Variants in MTUS2 observed in about 807,000 individuals in gnomAD.
MTUS2 encodes the protein microtubule associated scaffold protein 2.
In MTUS2, 40 loss-of-function variants were observed where a neutral mutation model predicts 114.1. The ratio of observed to expected loss-of-function variants is 0.35; its 90% CI spans 0.27 to 0.46. The LOEUF is 0.46. Among genes scored for constraint, MTUS2 ranks in the 20% least tolerant of loss-of-function variants. MTUS2 has a pLI of 1.00. For synonymous variants in MTUS2, 688 were observed against 672.0 expected, an observed-to-expected ratio of 1.02 and a Z score of -0.37; for missense variants, 1,679 against 1,705.4, an observed-to-expected ratio of 0.98 and a Z score of 0.27.
At chr13:28,895,557 C>G (rs1383539851) in intron 2 of MTUS2, among the ~76,000 whole-genome samples, 7 of 152,094 alleles carry the variant, frequency 4.6e-5, no homozygotes, top group Admixed American at 3.9e-4. Context: ...AGGCATAGTT[C>G]AAGCAGTGGG....
Position 29,420,238 on chromosome 13 carries a change from A to ACTTT in MTUS2, c.3118-19724_3118-19721dup, listed in dbSNP as rs371996946. Reference sequence around the variant, plus strand: ...TTTTTCTTCCTTCCTTCCTTAACTTACTTTCTTTCTTTCTTTCTTTCTTTT... The same window carrying ACTTT: ...TTTTTCTTCCTTCCTTCCTTAACTTACTTTCTTTCTTTCTTTCTTTCTTTCTTTT... On this transcript the variant is annotated intron_variant, in intron 8 of 15. Coordinates refer to ENST00000612955, the MANE Select transcript of MTUS2 (RefSeq NM_001033602.4). Among the ~76,000 whole-genome samples the ACTTT allele has an allele frequency of 5.3e-3, 792 of 149,140 alleles. 11 individuals carry two copies. Among genetic ancestry groups the ACTTT allele is most frequent in the Admixed American group, 0.031 (460 of 15,002 alleles).
intron 6 of MTUS2, among the ~76,000 whole-genome samples, chr13:29,309,972 A>G (rs1899677017): frequency 6.6e-6 from 1 of 152,070 alleles, no homozygotes; most frequent in South Asian, 2.1e-4. Context: ...ATTATTGTTG[A>G]CAGTAGTCAC....
chr13:29,376,331 G>C (rs1451683393), intron 8 of MTUS2, among the ~76,000 whole-genome samples: 1 of 152,112 alleles, frequency 6.6e-6, no homozygotes, highest in Non-Finnish European at 1.5e-5. Flanking sequence ...TCCACTTGTG[G>C]TGGTTAGATA....
chr13:29,069,446 G>A (rs1888811050), intron 4 of MTUS2, among the ~76,000 whole-genome samples: 1 of 152,146 alleles, frequency 6.6e-6, no homozygotes. Context: ...TCAACAAATT[G>A]GATGGTACCC....
At chr13:29,466,505 A>C (rs1879893697) in intron 9 of MTUS2, among the ~76,000 whole-genome samples, 1 of 152,210 alleles carries the variant, frequency 6.6e-6, no homozygotes, top group Non-Finnish European at 1.5e-5. Flanking sequence ...TCCTGTTTAA[A>C]GTTAGGTTCT....
At chr13:29,013,241 T>C (rs1006111754) in intron 2 of MTUS2, among the ~76,000 whole-genome samples, 11 of 152,318 alleles carry the variant, frequency 7.2e-5, no homozygotes, top group African/African-American at 2.6e-4. Flanking sequence ...GCAGTTTGGA[T>C]CTTATCTGTT....
intron 5 of MTUS2, among the ~76,000 whole-genome samples, chr13:29,180,267 A>G (rs1340743933): frequency 2.0e-5 from 3 of 152,188 alleles, no homozygotes; most frequent in South Asian, 2.1e-4. Flanking sequence ...GAAACATGCA[A>G]TTGAGTAGGT....
chr13:29,292,591 G>A (rs1398173671), intron 6 of MTUS2, among the ~76,000 whole-genome samples: 2 of 152,140 alleles, frequency 1.3e-5, no homozygotes, highest in East Asian at 3.8e-4. Context: ...AGCAGATCAG[G>A]AGTTCACGGT....
chr13:29,443,751 A>G (rs932993323), intron 9 of MTUS2, among the ~76,000 whole-genome samples: 3 of 152,184 alleles, frequency 2.0e-5, no homozygotes, highest in Non-Finnish European at 4.4e-5. Context: ...TGAACATGCA[A>G]ACCTGGCTTA....
At chr13:28,950,957 C>T (rs1341209307) in intron 2 of MTUS2, among the ~76,000 whole-genome samples, 8 of 152,138 alleles carry the variant, frequency 5.3e-5, no homozygotes, top group African/African-American at 1.9e-4. Flanking sequence ...AAGTGAAACT[C>T]AGTAAAACAA....
At chr13:29,452,817 C>G (rs546862704) in intron 9 of MTUS2, among the ~76,000 whole-genome samples, 1 of 152,076 alleles carries the variant, frequency 6.6e-6, no homozygotes, top group African/African-American at 2.4e-5. Flanking sequence ...GCTCCAATAC[C>G]AAGGGCAACC....
intron 4 of MTUS2, among the ~76,000 whole-genome samples, chr13:29,064,182 A>T (rs1042631361): frequency 2.0e-5 from 3 of 152,174 alleles, no homozygotes; most frequent in African/African-American, 7.2e-5. Context: ...CTGGGCCTGG[A>T]ATAATTTATT....
intron 4 of MTUS2, among the ~76,000 whole-genome samples, chr13:29,038,252 T>G (rs1160975910): frequency 6.6e-6 from 1 of 152,230 alleles, no homozygotes; most frequent in Non-Finnish European, 1.5e-5. Context: ...TTGTTGATGT[T>G]GATATTATTG....
At chr13:28,871,176 T>C (rs1277574994) in intron 2 of MTUS2, among the ~76,000 whole-genome samples, 1 of 152,218 alleles carries the variant, frequency 6.6e-6, no homozygotes, top group Non-Finnish European at 1.5e-5. Flanking sequence ...TTATTTTTAA[T>C]TTTTATAATT....
chr13:28,974,260 T>C (rs1883987690), intron 2 of MTUS2, among the ~76,000 whole-genome samples: 1 of 152,200 alleles, frequency 6.6e-6, no homozygotes. Flanking sequence ...TTATGCGTTT[T>C]CCAAGAGAAA....
intron 2 of MTUS2, among the ~76,000 whole-genome samples, chr13:29,008,150 C>G (rs1397830961): frequency 6.6e-6 from 1 of 152,164 alleles, no homozygotes; most frequent in Non-Finnish European, 1.5e-5. Context: ...ATGTTCGCCC[C>G]TTTGCCACTT....
At chr13:29,369,433 A>G (rs1215803637) in intron 8 of MTUS2, among the ~76,000 whole-genome samples, 2 of 152,164 alleles carry the variant, frequency 1.3e-5, no homozygotes, top group Non-Finnish European at 2.9e-5. Context: ...TTGGCTCCCT[A>G]AAGTGTCAAC....
At chr13:29,137,006 G>T (rs1014135306) in intron 5 of MTUS2, among the ~76,000 whole-genome samples, 4 of 152,178 alleles carry the variant, frequency 2.6e-5, no homozygotes, top group Non-Finnish European at 5.9e-5. Flanking sequence ...TTGATTGGTT[G>T]CTGGTAGAGA....
At chr13:29,408,491 T>G (rs1201446616) in intron 8 of MTUS2, among the ~76,000 whole-genome samples, 1 of 152,070 alleles carries the variant, frequency 6.6e-6, no homozygotes, top group Non-Finnish European at 1.5e-5. Context: ...AAATGTTTTT[T>G]ATTTGTAGTA....
Sources: allele counts gnomAD v4.1 joint callset (sites outside exome capture counted in the v4.1 genomes callset), GRCh38; gene constraint gnomAD v4.1.1; transcripts MANE v1.5; gene names NCBI Gene and HGNC (gene_info 2026-07-23, HGNC 2026-07-21).